SYNE2: variants seen among roughly 807,000 people sequenced by gnomAD.
SYNE2 encodes spectrin repeat containing nuclear envelope protein 2, also known as nesprin-2.
In SYNE2, 431 loss-of-function variants were observed where a neutral mutation model predicts 856.3. That is an observed-to-expected ratio of 0.50 (90% CI 0.47 to 0.55). SYNE2 has a LOEUF of 0.55. SYNE2 is among the 20% of genes least tolerant of loss of function. SYNE2 has a pLI of 0.00. For synonymous variants in SYNE2, 2,923 were observed against 2,872.3 expected (o/e 1.02, Z -0.56); for missense variants, 8,129 against 8,023.2 (o/e 1.01, Z -0.50).
intron 64 of SYNE2, among the ~76,000 whole-genome samples, chr14:64,103,587 C>T (rs1477822583): frequency 6.6e-6 from 1 of 152,144 alleles, no homozygotes; most frequent in East Asian, 1.9e-4. Flanking sequence ...TGACCCCTCC[C>T]CCTGCTCTCA....
At chr14:64,022,597 C>T (rs1477163042) in intron 37 of SYNE2, among the ~76,000 whole-genome samples, 154 bp from the exon 38 acceptor site, 1 of 151,862 alleles carries the variant, frequency 6.6e-6, no homozygotes, top group African/African-American at 2.4e-5. Context: ...CTTGTCTAGG[C>T]TTTATTAGCC....
At position 63,954,874 on chromosome 14, in the gene SYNE2, C is replaced by T. The variant is rs2153436741; in HGVS notation, c.746C>T (p.Ala249Val). ...AATCTGAGAGAGGCCTTCAGAATTG[C>T]AGAACAAGAATTAAAAATCCCCAGA... ...KDNLREAFRI[A>V]EQELKIPRLL... Residue 249 changes from alanine to valine, a missense_variant, in exon 8 of 116, where the codon GCA (alanine) becomes GTA (valine). Around this residue, in one of 3 missense-constraint regions of SYNE2, gnomAD observed 2,422 missense variants for 2,357.4 expected, o/e 1.03. Transcript: ENST00000555002. 6.2e-7 allele frequency: 1 copy of T among 1,613,690 alleles called. No individual in the cohort carries two copies. Among genetic ancestry groups the T allele is most frequent in the East Asian group, 2.2e-5 (1 of 44,858 alleles).
At chr14:64,141,853 T>G in intron 81 of SYNE2, 89 bp from the exon 82 acceptor site, 2 of 1,402,718 alleles carry the variant, frequency 1.4e-6, no homozygotes, top group Non-Finnish European at 1.9e-6. Flanking sequence ...TAGCAAGACC[T>G]TTTATCAAAC....
At chr14:63,996,642 A>C (rs1340587352) in intron 23 of SYNE2, among the ~76,000 whole-genome samples, 1 of 151,960 alleles carries the variant, frequency 6.6e-6, no homozygotes, top group Non-Finnish European at 1.5e-5. Flanking sequence ...TATTTCTTCC[A>C]CATATAGCTC....
chr14:64,196,326 G>C (rs1259875230), intron 99 of SYNE2, among the ~76,000 whole-genome samples: 1 of 152,170 alleles, frequency 6.6e-6, no homozygotes, highest in Non-Finnish European at 1.5e-5. Flanking sequence ...CTGCCACTCA[G>C]GATTGTCCGA....
chr14:63,859,979 C>CCCTTCCTCCCTT (rs1555349477), intron 1 of SYNE2, among the ~76,000 whole-genome samples: 2 of 130,120 alleles, frequency 1.5e-5, no homozygotes, highest in African/African-American at 5.9e-5. Context: ...CTCCCTTCCT[C>CCCTTCCTCCCTT]CCTTCCTTCC....
intron 105 of SYNE2, 92 bp from the exon 106 acceptor site, chr14:64,214,102 T>C: frequency 6.3e-7 from 1 of 1,588,508 alleles, no homozygotes; most frequent in Non-Finnish European, 8.6e-7. Context: ...CAGTTATTTT[T>C]GGAAACTGCT....
intron 8 of SYNE2, among the ~76,000 whole-genome samples, chr14:63,957,553 C>T (rs1329983016): frequency 6.6e-6 from 1 of 151,962 alleles, no homozygotes; most frequent in African/African-American, 2.4e-5. Context: ...CAGATGTGAG[C>T]CACCACTCCT....
chr14:64,101,998 A>G lies in SYNE2; in HGVS notation c.12448A>G (p.Met4150Val), dbSNP rs1567303632. Reference sequence around the variant, plus strand: ...TTCACTTTGGAAGCATGACAAGGACATGGAAGAAGACAGAGCTTCCTCATC... The same window carrying G: ...TTCACTTTGGAAGCATGACAAGGACGTGGAAGAAGACAGAGCTTCCTCATC... ...WSSLWKHDKD[M>V]EEDRASSSSG... The change falls in exon 64 of 116, where the codon ATG becomes GTG. Residue 4150 changes from methionine (M) to valine (V), a missense_variant. Physicochemically the swap from Met to Val is conservative, Grantham distance 21. Coordinates refer to ENST00000555002, the MANE Select transcript of SYNE2 (RefSeq NM_182914.3). 1.9e-6 allele frequency: 3 copies of G among 1,614,004 alleles called. No individual in the cohort carries two copies. The highest frequency in any genetic ancestry group is 2.2e-5 in the East Asian group (1 of 44,892).
chr14:64,116,364 T>G (rs1261736920), intron 66 of SYNE2, among the ~76,000 whole-genome samples: 2 of 152,210 alleles, frequency 1.3e-5, no homozygotes, highest in African/African-American at 4.8e-5. Flanking sequence ...ATTGGCTCAA[T>G]GTTTTGGGAG....
chr14:64,130,862 C>T (rs1461995420), intron 76 of SYNE2, among the ~76,000 whole-genome samples: 6 of 143,888 alleles, frequency 4.2e-5, no homozygotes, highest in Non-Finnish European at 7.5e-5. Flanking sequence ...TCCAGCCTGG[C>T]GACACAGCAA....
chr14:64,088,804 G>A (rs923435693), intron 58 of SYNE2, among the ~76,000 whole-genome samples: 2 of 152,024 alleles, frequency 1.3e-5, no homozygotes, highest in African/African-American at 4.8e-5. Flanking sequence ...TTGTTACTCA[G>A]TTACATTCCC....
At chr14:64,115,173 A>G (rs2097844568) in intron 66 of SYNE2, among the ~76,000 whole-genome samples, 1 of 152,200 alleles carries the variant, frequency 6.6e-6, no homozygotes, top group African/African-American at 2.4e-5. Flanking sequence ...CCAGAATCCC[A>G]TCTTCATTGC....
rs1555556137 is a variant in SYNE2, at chr14:64,219,110, T to TTTG, written c.19658-96_19658-95insGTT. The TTTG allele has an allele frequency of 1.2e-5, 11 of 906,528 alleles. No homozygotes were observed. The African/African-American group carries it at 2.1e-4, about 17-fold the overall frequency. 56.2% of individuals were successfully genotyped at this position (906,528 alleles called of 1,614,324 possible). ...AATCCCCTACAGTTTTTTTGTTTTT[T>TTTG]TTTTTTTTTTTTTTAACCACCCTGA... is the stretch of plus-strand genomic sequence containing the variant. On this transcript the variant is annotated intron_variant, in intron 109 of 115. Transcript: ENST00000555002.
chr14:64,033,613 G>A (rs542766416), intron 45 of SYNE2, among the ~76,000 whole-genome samples: 2 of 152,204 alleles, frequency 1.3e-5, no homozygotes, highest in South Asian at 4.1e-4. Flanking sequence ...TTGAGCCCAG[G>A]AGGTCGAGAC....
At chr14:63,960,876 C>A in intron 8 of SYNE2, 1 of 605,306 alleles carries the variant, frequency 1.7e-6, no homozygotes, top group Non-Finnish European at 3.0e-6. Context: ...GAGACCCTGT[C>A]TAAAAAAAAT....
chr14:64,110,588 A>ACCCC (rs11315645), intron 65 of SYNE2, among the ~76,000 whole-genome samples: 141 of 75,354 alleles, frequency 1.9e-3, no homozygotes, highest in East Asian at 7.9e-3. Flanking sequence ...TACTTTTTAC[A>ACCCC]CCCCCCCCCC....
chr14:64,165,867 C>T (rs1341567712), intron 90 of SYNE2, among the ~76,000 whole-genome samples: 1 of 152,080 alleles, frequency 6.6e-6, no homozygotes, highest in Non-Finnish European at 1.5e-5. Flanking sequence ...GTCCTATTTT[C>T]CCTCAGGCCT....
At chr14:64,036,679 C>A (rs751388457) in intron 45 of SYNE2, among the ~76,000 whole-genome samples, 6 of 152,130 alleles carry the variant, frequency 3.9e-5, no homozygotes, top group South Asian at 2.1e-4. Context: ...CTATAACCCA[C>A]ACATTAAAAA....
Sources: gnomAD v4.1 joint callset for allele counts (sites outside exome capture counted in the v4.1 genomes callset) on GRCh38, gnomAD v4.1.1 for gene constraint, gnomAD v4.1.1 regional missense constraint, MANE v1.5 for transcripts, NCBI Gene and HGNC (gene_info 2026-07-23, HGNC 2026-07-21) for gene names.